The following ALK variants were observed in gnomAD, a reference collection of about 807,000 sequenced individuals.
ALK encodes the protein ALK tyrosine kinase receptor.
ALK carries 74 observed loss-of-function variants against 163.1 expected under a neutral mutation model. The observed-to-expected ratio is 0.45, with a 90% CI of 0.38 to 0.55. The LOEUF (loss-of-function observed/expected upper bound fraction) is 0.55. Ranked by LOEUF, ALK falls within the 20% of genes least tolerant of loss-of-function variation. ALK has a pLI of 0.00. For synonymous variants in ALK, 960 were observed against 843.2 expected (o/e 1.14, Z -2.40); for missense variants, 2,063 against 2,105.3 (o/e 0.98, Z 0.39).
At chr2:29,683,681 T>C (rs1398725243) in intron 3 of ALK, among the ~76,000 whole-genome samples, 1 of 152,178 alleles carries the variant, frequency 6.6e-6, no homozygotes, top group African/African-American at 2.4e-5. Flanking sequence ...CTTTGTCATG[T>C]CCAAAATTTT....
chr2:29,340,472 C>T (rs943378165), intron 5 of ALK, among the ~76,000 whole-genome samples: 5 of 152,110 alleles, frequency 3.3e-5, no homozygotes, highest in African/African-American at 9.7e-5. Flanking sequence ...CTTAAAGCTA[C>T]GCAGGAGGTC....
At chr2:29,445,218 A>T (rs543779160) in intron 4 of ALK, among the ~76,000 whole-genome samples, 1 of 152,328 alleles carries the variant, frequency 6.6e-6, no homozygotes, top group East Asian at 1.9e-4. Context: ...GGCCAGTGAT[A>T]GATCACAGGG....
intron 1 of ALK, among the ~76,000 whole-genome samples, chr2:29,718,094 T>C (rs2148307755): frequency 6.6e-6 from 1 of 152,352 alleles, no homozygotes; most frequent in East Asian, 1.9e-4. Context: ...ATGTTCAGAC[T>C]TGTAACTTCC....
chr2:29,824,961 T>C (rs1472033450), intron 1 of ALK, among the ~76,000 whole-genome samples: 1 of 152,180 alleles, frequency 6.6e-6, no homozygotes, highest in Non-Finnish European at 1.5e-5. Context: ...TTTCCACGTA[T>C]TGTGGGAAGG....
At chr2:29,840,301 C>A (rs943262228) in intron 1 of ALK, among the ~76,000 whole-genome samples, 3 of 152,124 alleles carry the variant, frequency 2.0e-5, no homozygotes, top group African/African-American at 7.2e-5. Flanking sequence ...ACATGTCCTA[C>A]AAATGCTTGG....
At position 29,287,287 on chromosome 2, in the gene ALK, G is replaced by A. The variant is rs143187472; in HGVS notation, c.1817+9601C>T. 2.6e-5 allele frequency among the ~76,000 whole-genome samples: 4 copies of A among 152,202 alleles called. No homozygotes were observed. The South Asian group carries it at 6.2e-4, about 24-fold the overall frequency. On this transcript the variant is annotated intron_variant, in intron 9 of 28. Coordinates refer to ENST00000389048, the MANE Select transcript of ALK (RefSeq NM_004304.5). ...ACTAATATTTACAATAGTCAAAAATGAGCTCATAATAAAATACATTTAGGC... is the reference window on the plus strand; with the variant it reads ...ACTAATATTTACAATAGTCAAAAATAAGCTCATAATAAAATACATTTAGGC...
At chr2:29,563,166 A>C (rs1674075306) in intron 3 of ALK, among the ~76,000 whole-genome samples, 1 of 152,190 alleles carries the variant, frequency 6.6e-6, no homozygotes, top group Non-Finnish European at 1.5e-5. Flanking sequence ...AAGATAATTC[A>C]TTTCAAATTC....
At chr2:29,302,486 C>G (rs1451373505) in intron 8 of ALK, among the ~76,000 whole-genome samples, 1 of 152,170 alleles carries the variant, frequency 6.6e-6, no homozygotes. Context: ...TCATTGCACT[C>G]CAGCCTGGGG....
At chr2:29,408,309 C>T (rs909835083) in intron 4 of ALK, among the ~76,000 whole-genome samples, 3 of 151,500 alleles carry the variant, frequency 2.0e-5, no homozygotes, top group Non-Finnish European at 2.9e-5. Context: ...AGGATGGTCT[C>T]GATCTCCTGA....
chr2:29,437,636 T>C (rs1034395082), intron 4 of ALK, among the ~76,000 whole-genome samples: 1 of 152,178 alleles, frequency 6.6e-6, no homozygotes, highest in Non-Finnish European at 1.5e-5. Flanking sequence ...AGATAAACAA[T>C]TATAGAATTG....
chr2:29,203,894 C>G (rs1010658285), intron 26 of ALK, among the ~76,000 whole-genome samples: 1 of 151,912 alleles, frequency 6.6e-6, no homozygotes, highest in Non-Finnish European at 1.5e-5. Context: ...TGTCTTTATT[C>G]TCTTCATTTC....
chr2:29,599,533 G>A (rs1045769356), intron 3 of ALK, among the ~76,000 whole-genome samples: 1 of 152,222 alleles, frequency 6.6e-6, no homozygotes, highest in African/African-American at 2.4e-5. Context: ...AAGAATGTGT[G>A]TGACCAGGGC....
intron 1 of ALK, among the ~76,000 whole-genome samples, chr2:29,808,219 A>G (rs1664669034): frequency 6.6e-6 from 1 of 152,226 alleles, no homozygotes; most frequent in Admixed American, 6.5e-5. Flanking sequence ...GAGGTGGCAC[A>G]AATGTGACCA....
At chr2:29,567,878 C>A (rs151256620) in intron 3 of ALK, among the ~76,000 whole-genome samples, 3 of 152,158 alleles carry the variant, frequency 2.0e-5, no homozygotes, top group Non-Finnish European at 2.9e-5. Flanking sequence ...AGCCTATTAG[C>A]GTTAAATACT....
chr2:29,283,787 G>T (rs1665775659), intron 9 of ALK, among the ~76,000 whole-genome samples: 1 of 152,094 alleles, frequency 6.6e-6, no homozygotes, highest in Admixed American at 6.6e-5. Flanking sequence ...TATTGCTCCT[G>T]TTTTATATTA....
chr2:29,754,167 T>C (rs573596686), intron 1 of ALK, among the ~76,000 whole-genome samples: 13 of 152,348 alleles, frequency 8.5e-5, no homozygotes, highest in Non-Finnish European at 1.0e-4. Context: ...CTCTAGACCA[T>C]GCACCTTTGC....
intron 4 of ALK, among the ~76,000 whole-genome samples, chr2:29,397,192 A>C (rs577132036): frequency 6.6e-6 from 1 of 152,132 alleles, no homozygotes; most frequent in Non-Finnish European, 1.5e-5. Flanking sequence ...TTAAAATTAG[A>C]TCATTAGGGT....
chr2:29,843,785 G>A (rs1228824528), intron 1 of ALK, among the ~76,000 whole-genome samples: 1 of 152,200 alleles, frequency 6.6e-6, no homozygotes, highest in Non-Finnish European at 1.5e-5. Flanking sequence ...GGAATGGGTT[G>A]CTTTGATATA....
intron 1 of ALK, among the ~76,000 whole-genome samples, chr2:29,747,561 T>G (rs1371843844): frequency 1.3e-5 from 2 of 152,174 alleles, no homozygotes; most frequent in African/African-American, 4.8e-5. Context: ...GGGAGACAGG[T>G]AGAAGCATCA....
Sources: gnomAD v4.1 joint callset for allele counts (sites outside exome capture counted in the v4.1 genomes callset) on GRCh38, gnomAD v4.1.1 for gene constraint, MANE v1.5 for transcripts, NCBI Gene and HGNC (gene_info 2026-07-23, HGNC 2026-07-21) for gene names.